DHX35: variants seen among roughly 807,000 people sequenced by gnomAD.
The protein encoded by DHX35 is DEAH-box helicase 35.
DHX35 carries 84 observed loss-of-function variants against 99.6 expected under a neutral mutation model. That is an observed-to-expected ratio of 0.84 (90% CI 0.71 to 1.01). DHX35 has a LOEUF of 1.01. Ranked by LOEUF, DHX35 falls within the 50% of genes least tolerant of loss-of-function variation. DHX35 has a pLI of 0.00. For synonymous variants in DHX35, 331 were observed against 316.2 expected (o/e 1.05, Z -0.50); for missense variants, 852 against 888.5 (o/e 0.96, Z 0.52).
chr20:39,022,697 C>T (rs1186140661), intron 16 of DHX35, among the ~76,000 whole-genome samples: 1 of 152,246 alleles, frequency 6.6e-6, no homozygotes, highest in African/African-American at 2.4e-5. Flanking sequence ...CTGGGCACCA[C>T]ACGACATCAT....
At chr20:38,986,079 T>G (rs1266596337) in intron 4 of DHX35, among the ~76,000 whole-genome samples, 1 of 152,218 alleles carries the variant, frequency 6.6e-6, no homozygotes, top group African/African-American at 2.4e-5. Context: ...TTTCCTCATT[T>G]GTAAATACAA....
At chr20:39,035,255 A>G (rs771470518) in intron 21 of DHX35, among the ~76,000 whole-genome samples, 15 of 151,772 alleles carry the variant, frequency 9.9e-5, no homozygotes, top group Non-Finnish European at 2.1e-4. Context: ...TATTTTTAGT[A>G]GAGACAGGGT....
intron 14 of DHX35, among the ~76,000 whole-genome samples, chr20:39,016,315 C>T (rs961837113): frequency 6.6e-6 from 1 of 152,164 alleles, no homozygotes; most frequent in African/African-American, 2.4e-5. Flanking sequence ...ATGACCCATA[C>T]ACTTCCCAGT....
At chr20:38,963,809 C>T (rs2085870725) in intron 1 of DHX35, among the ~76,000 whole-genome samples, 2 of 152,222 alleles carry the variant, frequency 1.3e-5, no homozygotes, top group South Asian at 4.1e-4. Context: ...GTTACTGTCT[C>T]TCTCTTAATT....
chr20:39,024,339 G>GA (rs1254411500), intron 17 of DHX35, among the ~76,000 whole-genome samples: 3 of 152,168 alleles, frequency 2.0e-5, no homozygotes, highest in East Asian at 3.9e-4. Context: ...TGAAAATGAT[G>GA]AAAAAAGTAA....
chr20:39,015,902 A>G (rs1248721879), intron 14 of DHX35, among the ~76,000 whole-genome samples: 1 of 152,140 alleles, frequency 6.6e-6, no homozygotes, highest in Admixed American at 6.5e-5. Context: ...CAGTCTCTAT[A>G]GAGAGTTTTT....
intron 15 of DHX35, among the ~76,000 whole-genome samples, chr20:39,020,656 C>CTTTT (rs57246257): frequency 7.6e-5 from 8 of 105,210 alleles, no homozygotes; most frequent in Non-Finnish European, 1.1e-4. Flanking sequence ...AAACAGGATT[C>CTTTT]TTTTTTTTTT....
intron 4 of DHX35, among the ~76,000 whole-genome samples, 181 bp from the exon 5 acceptor site, chr20:38,988,629 CAAT>C (rs892086081): frequency 6.6e-6 from 1 of 151,774 alleles, no homozygotes; most frequent in East Asian, 1.9e-4. Context: ...GACTCTGTCT[CAAT>C]AATAATAATA....
At chr20:39,034,674 G>A (rs1323309184) in intron 21 of DHX35, among the ~76,000 whole-genome samples, 1 of 150,772 alleles carries the variant, frequency 6.6e-6, no homozygotes, top group African/African-American at 2.4e-5. Context: ...TGCAAGCTCC[G>A]TTTCCCGGAT....
chr20:39,018,780 T>G, intron 14 of DHX35, 24 bp from the exon 15 acceptor site: 2 of 1,610,114 alleles, frequency 1.2e-6, no homozygotes, highest in Non-Finnish European at 1.7e-6. Flanking sequence ...TGCCTTCTGA[T>G]TTCTTTTGTT....
intron 3 of DHX35, chr20:38,977,710 T>C: frequency 2.6e-6 from 1 of 384,680 alleles, no homozygotes; most frequent in Non-Finnish European, 4.9e-6. Flanking sequence ...ATATCAACTG[T>C]TGCTGCTTGC....
chr20:39,030,702 A>G lies in DHX35; in HGVS notation c.1884-2A>G. Reference sequence around the variant, plus strand: ...TCAGACAAAATTCTTCTATGTTCCAAGGACCATCCGTGATGACCATGAGCT... The same window carrying G: ...TCAGACAAAATTCTTCTATGTTCCAGGGACCATCCGTGATGACCATGAGCT... On this transcript the variant is annotated splice_acceptor_variant, in intron 19 of 21. Transcript: ENST00000252011. LOFTEE classifies it high-confidence loss of function. The G allele has an allele frequency of 6.2e-7, 1 of 1,613,996 alleles. No individual in the cohort carries two copies. Among genetic ancestry groups the G allele is most frequent in the Non-Finnish European group, 8.5e-7 (1 of 1,179,996 alleles).
intron 2 of DHX35, among the ~76,000 whole-genome samples, chr20:38,970,424 A>G (rs552392404): frequency 6.6e-6 from 1 of 152,346 alleles, no homozygotes; most frequent in East Asian, 1.9e-4. Flanking sequence ...AGTGACTAAC[A>G]CATTCACTAT....
chr20:39,004,624 T>C (rs1441693136), intron 11 of DHX35, among the ~76,000 whole-genome samples: 2 of 152,192 alleles, frequency 1.3e-5, no homozygotes, highest in Non-Finnish European at 2.9e-5. Context: ...TAATTCAAGG[T>C]GTGGCTTAAA....
chr20:39,029,756 A>C (rs1394026493), intron 19 of DHX35: 3 of 152,150 alleles, frequency 2.0e-5, no homozygotes, highest in Non-Finnish European at 4.4e-5. Flanking sequence ...AATGTGGGCT[A>C]CCTAAGAGGT....
chr20:38,973,968 A>G (rs2086039613), intron 3 of DHX35, among the ~76,000 whole-genome samples: 1 of 152,204 alleles, frequency 6.6e-6, no homozygotes, highest in Non-Finnish European at 1.5e-5. Context: ...CATTTGAGTC[A>G]TTCCTAGTTT....
In DHX35 at chr20:38,978,790, CCTTCT is replaced by C. The variant is rs2086122474; in HGVS notation, c.268-4905_268-4901del. ...CCAGACCAGTGTCATGAAGTGTTTC[CCTTCT>C]CTTTTGTTCTGGTAGTTTCATAACT... On this transcript the variant is annotated intron_variant, in intron 3 of 21. Coordinates refer to ENST00000252011, the MANE Select transcript of DHX35 (RefSeq NM_021931.4). 2.0e-5 allele frequency among the ~76,000 whole-genome samples: 3 copies of C among 152,152 alleles called. No homozygotes were observed. In the East Asian group the frequency reaches 5.8e-4, roughly 29 times the overall value.
In DHX35 at chr20:39,018,811, C is replaced by T; in HGVS notation, c.1410C>T (p.Asp470=). The T allele has an allele frequency of 1.2e-6, 2 of 1,613,856 alleles. No homozygotes were observed. The highest frequency in any genetic ancestry group is 1.7e-6 in the Non-Finnish European group (2 of 1,179,848). ...LELLYALGGL[D]KDCRLTEPLG... is the part of the protein sequence containing the mutation. ...TTGTTGTTCTTATGGCAGGTCTGGA[C>T]AAAGACTGTCGCCTAACTGAACCGC... Residue 470 remains aspartate, a synonymous_variant, in exon 15 of 22, where the codon GAC becomes GAT. Coordinates refer to ENST00000252011, the MANE Select transcript of DHX35 (RefSeq NM_021931.4).
chr20:39,031,161 C>CAAAAAAAAAAAAA (rs112765650), intron 20 of DHX35, among the ~76,000 whole-genome samples: 1 of 135,552 alleles, frequency 7.4e-6, no homozygotes, highest in Non-Finnish European at 1.6e-5. Flanking sequence ...GATTCCATGT[C>CAAAAAAAAAAAAA]AAAAAAAAAA....
Sources: gnomAD v4.1 joint callset for allele counts (sites outside exome capture counted in the v4.1 genomes callset) on GRCh38, gnomAD v4.1.1 for gene constraint, MANE v1.5 for transcripts, NCBI Gene and HGNC (gene_info 2026-07-23, HGNC 2026-07-21) for gene names.